ANO6: variants seen among roughly 807,000 people sequenced by gnomAD.
ANO6 encodes the protein anoctamin-6.
ANO6 carries 106 observed loss-of-function variants against 117.5 expected under a neutral mutation model. The observed-to-expected ratio is 0.90, with a 90% confidence interval of 0.77 to 1.06. ANO6 has a LOEUF of 1.06. Ranked by LOEUF, ANO6 falls within the 50% of genes least tolerant of loss-of-function variation. The pLI is 0.00. For synonymous variants in ANO6, 367 were observed against 385.1 expected, an observed-to-expected ratio of 0.95 and a Z score of 0.55; for missense variants, 955 against 1,121.1, an observed-to-expected ratio of 0.85 and a Z score of 2.12.
At chr12:45,265,426 T>C (rs1330270418) in intron 1 of ANO6, among the ~76,000 whole-genome samples, 1 of 152,198 alleles carries the variant, frequency 6.6e-6, no homozygotes, top group African/African-American at 2.4e-5. Context: ...TCTTGCTCAT[T>C]TTCTTCTATA....
intron 9 of ANO6, among the ~76,000 whole-genome samples, chr12:45,370,390 C>T (rs543571328): frequency 5.7e-4 from 87 of 152,346 alleles, no homozygotes; most frequent in Non-Finnish European, 8.1e-4. Flanking sequence ...ATTGGCAGTA[C>T]ACTTGCTCTT....
intron 1 of ANO6, among the ~76,000 whole-genome samples, chr12:45,277,455 G>A (rs747486745): frequency 3.9e-5 from 6 of 152,098 alleles, no homozygotes; most frequent in South Asian, 2.1e-4. Flanking sequence ...TCTCCTCCAC[G>A]CTGCCCAGGT....
chr12:45,409,681 G>A (rs1418778833), intron 16 of ANO6, among the ~76,000 whole-genome samples, 194 bp downstream of exon 16: 1 of 152,154 alleles, frequency 6.6e-6, no homozygotes, highest in African/African-American at 2.4e-5. Flanking sequence ...CAATATTTAT[G>A]TTGTAAAAAG....
At chr12:45,303,589 G>A (rs1939568227) in intron 2 of ANO6, among the ~76,000 whole-genome samples, 1 of 152,230 alleles carries the variant, frequency 6.6e-6, no homozygotes, top group Admixed American at 6.5e-5. Context: ...ACAGCCTTGA[G>A]TGTATTGCGA....
chr12:45,263,237 A>G (rs1938102697), intron 1 of ANO6, among the ~76,000 whole-genome samples: 1 of 151,154 alleles, frequency 6.6e-6, no homozygotes, highest in Admixed American at 6.6e-5. Flanking sequence ...TGAGAGACAG[A>G]GTCTTTCTCT....
At chr12:45,307,819 G>A (rs1939717732) in intron 2 of ANO6, among the ~76,000 whole-genome samples, 1 of 151,972 alleles carries the variant, frequency 6.6e-6, no homozygotes, top group Admixed American at 6.6e-5. Flanking sequence ...GAAGAGTCTT[G>A]GAAGCCAAGT....
intron 7 of ANO6, among the ~76,000 whole-genome samples, chr12:45,356,163 C>T (rs1301228827): frequency 6.6e-6 from 1 of 152,082 alleles, no homozygotes; most frequent in African/African-American, 2.4e-5. Flanking sequence ...CAGTTTTACC[C>T]CAGAGTATAC....
At chr12:45,271,832 A>G (rs1938402277) in intron 1 of ANO6, among the ~76,000 whole-genome samples, 2 of 152,218 alleles carry the variant, frequency 1.3e-5, no homozygotes, top group African/African-American at 4.8e-5. Flanking sequence ...AAAACTGCAA[A>G]CTGGGCCTCG....
intron 1 of ANO6, among the ~76,000 whole-genome samples, chr12:45,290,734 TCTAAG>T (rs1215506388): frequency 6.6e-6 from 1 of 152,194 alleles, no homozygotes; most frequent in Non-Finnish European, 1.5e-5. Context: ...TAATGGTAAA[TCTAAG>T]TTTTTAAAAG....
chr12:45,221,788 G>C (rs1333544983), intron 1 of ANO6, among the ~76,000 whole-genome samples: 1 of 151,976 alleles, frequency 6.6e-6, no homozygotes, highest in African/African-American at 2.4e-5. Context: ...CCAGGATGAT[G>C]GTGGCAGGAG....
chr12:45,322,002 C>A (rs1199382343), intron 2 of ANO6, among the ~76,000 whole-genome samples: 1 of 152,006 alleles, frequency 6.6e-6, no homozygotes, highest in Non-Finnish European at 1.5e-5. Flanking sequence ...CCTGGTAGTC[C>A]AGTCTGGTGC....
intron 5 of ANO6, 34 bp from the exon 6 acceptor site, chr12:45,348,484 A>G (rs1398427865): frequency 6.4e-7 from 1 of 1,573,800 alleles, no homozygotes; most frequent in Non-Finnish European, 8.7e-7. Flanking sequence ...ATTACACTAT[A>G]TAAACCGCAT....
chr12:45,225,183 CAAA>C (rs34523402), intron 1 of ANO6, among the ~76,000 whole-genome samples: 6 of 73,442 alleles, frequency 8.2e-5, no homozygotes, highest in East Asian at 3.2e-4. Context: ...GACCCTGTCT[CAAA>C]AAAAAAAAAA....
At chr12:45,353,896 A>C (rs1941344845) in intron 7 of ANO6, among the ~76,000 whole-genome samples, 1 of 143,366 alleles carries the variant, frequency 7.0e-6, no homozygotes, top group African/African-American at 3.0e-5. Flanking sequence ...AAAAACACCA[A>C]TAGAACGCAT....
intron 10 of ANO6, 151 bp downstream of exon 10, chr12:45,378,264 A>C (rs1942082890): frequency 1.4e-6 from 1 of 740,592 alleles, no homozygotes; most frequent in Non-Finnish European, 2.2e-6. Context: ...TTTATCAGTT[A>C]ACTTTTACTA....
intron 1 of ANO6, among the ~76,000 whole-genome samples, chr12:45,247,666 G>A (rs560912495): frequency 6.6e-6 from 1 of 152,278 alleles, no homozygotes; most frequent in Non-Finnish European, 1.5e-5. Context: ...TATGGTGAGG[G>A]CACTCTTCCT....
intron 2 of ANO6, among the ~76,000 whole-genome samples, chr12:45,313,873 A>C (rs145873860): frequency 6.6e-6 from 1 of 152,114 alleles, no homozygotes; most frequent in Non-Finnish European, 1.5e-5. Context: ...GTAAGCGACT[A>C]TTAGCTTCAC....
chr12:45,348,688 A>G (rs1941206803), intron 6 of ANO6, 57 bp downstream of exon 6: 1 of 1,288,398 alleles, frequency 7.8e-7, no homozygotes, highest in Non-Finnish European at 1.1e-6. Context: ...GGTGTTGACA[A>G]TAGCAAAGGG....
At chr12:45,438,938 C>T (rs1943739298) in intron 19 of ANO6, among the ~76,000 whole-genome samples, 2 of 152,134 alleles carry the variant, frequency 1.3e-5, no homozygotes, top group Non-Finnish European at 2.9e-5. Context: ...TCAATAAATA[C>T]TTGTTGAATT....
Sources: allele counts gnomAD v4.1 joint callset (sites outside exome capture counted in the v4.1 genomes callset), GRCh38; gene constraint gnomAD v4.1.1; transcripts MANE v1.5; gene names NCBI Gene and HGNC (gene_info 2026-07-23, HGNC 2026-07-21).